The following RIMKLB variants were observed in gnomAD, a reference collection of about 807,000 sequenced individuals.
The protein encoded by RIMKLB is beta-citrylglutamate synthase B.
A neutral mutation model predicts 32.0 loss-of-function variants in RIMKLB; 7 were observed. The ratio of observed to expected loss-of-function variants is 0.22; its 90% CI spans 0.12 to 0.41. The LOEUF (loss-of-function observed/expected upper bound fraction) is 0.41. RIMKLB is among the 10% of genes least tolerant of loss of function. RIMKLB has a pLI of 1.00. For synonymous variants in RIMKLB, 172 were observed against 185.1 expected (o/e 0.93, Z 0.57); for missense variants, 289 against 498.7 (o/e 0.58, Z 4.00).
chr12:8,724,763 C>T (rs1042016011), intron 2 of RIMKLB, among the ~76,000 whole-genome samples: 4 of 152,144 alleles, frequency 2.6e-5, no homozygotes, highest in African/African-American at 9.7e-5. Context: ...GCTGGATCTG[C>T]AGGTCCTGGC....
chr12:8,729,741 C>T lies in RIMKLB; in HGVS notation c.175+15700C>T, dbSNP rs777482208. Among the ~76,000 whole-genome samples, 51 of 152,300 alleles carry T rather than the reference C, an allele frequency of 3.3e-4. No individual in the cohort carries two copies. The East Asian group carries it at 9.5e-3, about 28-fold the overall frequency. On this transcript the variant is annotated intron_variant, in intron 2 of 5. Coordinates refer to ENST00000535829, the MANE Select transcript of RIMKLB (RefSeq NM_001297776.2). ...TCAGCCTCCCAAAGTACTAGAATTA[C>T]AGGCATGAGCCACCATACCTGACCT...
At chr12:8,717,363 T>C (rs921429575) in intron 2 of RIMKLB, among the ~76,000 whole-genome samples, 1 of 152,224 alleles carries the variant, frequency 6.6e-6, no homozygotes, top group Non-Finnish European at 1.5e-5. Flanking sequence ...GTGCAATGTT[T>C]TCACAGTCAG....
intron 2 of RIMKLB, among the ~76,000 whole-genome samples, chr12:8,745,648 C>T (rs956686858): frequency 6.6e-6 from 1 of 151,284 alleles, no homozygotes; most frequent in African/African-American, 2.4e-5. Flanking sequence ...CCCTCCTCAG[C>T]CTCCCAAAGT....
upstream of RIMKLB, chr12:8,697,206 G>C (rs960561633): frequency 6.6e-6 from 1 of 152,150 alleles, no homozygotes; most frequent in African/African-American, 2.4e-5. Flanking sequence ...GGGCAGAGCT[G>C]GCGCTATCCA....
At chr12:8,738,437 C>T (rs1357846091) in intron 2 of RIMKLB, among the ~76,000 whole-genome samples, 3 of 152,138 alleles carry the variant, frequency 2.0e-5, no homozygotes, top group Non-Finnish European at 2.9e-5. Context: ...GTAGTAATAA[C>T]GAGCTGTTTC....
At chr12:8,752,570 A>G (rs574812175) in intron 4 of RIMKLB, among the ~76,000 whole-genome samples, 127 of 152,284 alleles carry the variant, frequency 8.3e-4, no homozygotes, top group South Asian at 3.1e-3. Flanking sequence ...CAAAGAAACA[A>G]TAAGACCTTA....
At chr12:8,686,891 A>G (rs1942593891) in intron 1 of RIMKLB, among the ~76,000 whole-genome samples, 1 of 152,220 alleles carries the variant, frequency 6.6e-6, no homozygotes, top group Non-Finnish European at 1.5e-5. Flanking sequence ...TTATGGAGAA[A>G]TCAGCGATTA....
rs761508647 is a variant in RIMKLB at position 8,684,763 on chromosome 12, C to T, written n.219+2945C>T. Among the ~76,000 whole-genome samples, 309 of 152,190 alleles carry T rather than the reference C, an allele frequency of 2.0e-3. 1 individual carries two copies. Among genetic ancestry groups the T allele is most frequent in the Middle Eastern group, 0.014 (4 of 294 alleles). ...GGTCTCCTAAGTAGCTGGGACTACA[C>T]GTGCATGCCACCACGCCCAGCTAGT... On this transcript the variant is annotated intron_variant and non_coding_transcript_variant, in intron 1 of 1. Transcript: ENST00000538758.
intron 5 of RIMKLB, among the ~76,000 whole-genome samples, chr12:8,762,562 A>C (rs1043075210): frequency 6.6e-6 from 1 of 151,928 alleles, no homozygotes; most frequent in Non-Finnish European, 1.5e-5. Context: ...TAATCTCCTA[A>C]TGGCTTCCTG....
rs373818718 is a variant in RIMKLB at position 8,749,909 on chromosome 12, G to A, written c.223G>A (p.Val75Ile). The A allele has an allele frequency of 4.3e-6, 7 of 1,612,702 alleles. No homozygotes were observed. Among genetic ancestry groups the A allele is most frequent in the Non-Finnish European group, 5.9e-6 (7 of 1,178,894 alleles). The change falls in exon 3 of 6, where the codon GTA (valine) becomes ATA (isoleucine). Residue 75 changes from valine to isoleucine, a missense_variant. By Grantham distance (29) the Val-to-Ile change is conservative. Around this residue, in one of 3 missense-constraint regions of RIMKLB, gnomAD observed 156 missense variants for 329.5 expected, o/e 0.47. Coordinates refer to ENST00000535829, the MANE Select transcript of RIMKLB (RefSeq NM_001297776.2). Reference protein sequence around the residue: ...ELITAYPQVVVVRVPTPWVQS... With the variant: ...ELITAYPQVVIVRVPTPWVQS... ...AATCACTGCCTACCCACAAGTGGTG[G>A]TAGTCAGAGTACCAACCCCTTGGGT...
chr12:8,776,500 G>A lies in RIMKLB; in HGVS notation c.*2716G>A, dbSNP rs1950734934. The A allele has an allele frequency of 2.8e-6, 2 of 718,118 alleles. No individual in the cohort carries two copies. Among genetic ancestry groups the A allele is most frequent in the African/African-American group, 1.9e-5 (1 of 51,942 alleles). 44.5% of individuals were successfully genotyped at this position (718,118 alleles called of 1,614,324 possible). ...GAGAGAATGTATATATCAAATATGT[G>A]TAATGATAAAATCTGAATTGTAAAA... On this transcript the variant is annotated 3_prime_UTR_variant, in exon 6 of 6. Transcript: ENST00000535829.
At chr12:8,735,169 T>A (rs1946880399) in intron 2 of RIMKLB, among the ~76,000 whole-genome samples, 1 of 152,226 alleles carries the variant, frequency 6.6e-6, no homozygotes, top group Non-Finnish European at 1.5e-5. Flanking sequence ...TTGGTAATGA[T>A]GTCAGCTGTG....
chr12:8,746,924 G>T (rs939449011), intron 2 of RIMKLB, among the ~76,000 whole-genome samples: 1 of 151,978 alleles, frequency 6.6e-6, no homozygotes, highest in Non-Finnish European at 1.5e-5. Context: ...AAGTTTTTTT[G>T]TAGAGACGTG....
chr12:8,732,126 G>T (rs116216967), intron 2 of RIMKLB, among the ~76,000 whole-genome samples: 2 of 151,920 alleles, frequency 1.3e-5, no homozygotes, highest in African/African-American at 2.4e-5. Flanking sequence ...ACTGGAGCTT[G>T]AGACCCTGTT....
At chr12:8,679,940 G>C (rs1942373109), upstream of RIMKLB, among the ~76,000 whole-genome samples, 1 of 152,130 alleles carries the variant, frequency 6.6e-6, no homozygotes, top group South Asian at 2.1e-4. Flanking sequence ...GATGAGACAG[G>C]AGGTCAGTAC....
At chr12:8,754,395 G>A (rs1357103165) in intron 5 of RIMKLB, among the ~76,000 whole-genome samples, 1 of 152,114 alleles carries the variant, frequency 6.6e-6, no homozygotes, top group East Asian at 1.9e-4. Context: ...CTTTGGTGAT[G>A]TACTTATTTT....
rs201760501 is a variant in RIMKLB, at chr12:8,717,442, T to TC, written c.175+3404dup. On this transcript the variant is annotated intron_variant, in intron 2 of 5. Coordinates refer to ENST00000535829, the MANE Select transcript of RIMKLB (RefSeq NM_001297776.2). ...GTTCTTTTCCTTTTCCTTTTTTTTT[T>TC]CCCTCATTGCCTCTCCCTTTGTGTC... Among the ~76,000 whole-genome samples, 1,194 of 152,226 alleles carry TC rather than the reference T, an allele frequency of 7.8e-3. 13 individuals are homozygous for TC. The highest frequency in any genetic ancestry group is 0.027 in the African/African-American group (1,108 of 41,528).
chr12:8,737,497 TATAG>T (rs1288529313), intron 2 of RIMKLB, among the ~76,000 whole-genome samples: 2 of 152,328 alleles, frequency 1.3e-5, no homozygotes, highest in African/African-American at 4.8e-5. Context: ...TTCCTTACTA[TATAG>T]ATATAGTGTT....
intron 2 of RIMKLB, among the ~76,000 whole-genome samples, chr12:8,726,400 CTTA>C (rs1946011072): frequency 6.6e-6 from 1 of 152,010 alleles, no homozygotes; most frequent in South Asian, 2.1e-4. Context: ...GGTTTATTTT[CTTA>C]TTGTTGAATT....
Sources: gnomAD v4.1 joint callset for allele counts (sites outside exome capture counted in the v4.1 genomes callset) on GRCh38, gnomAD v4.1.1 for gene constraint, gnomAD v4.1.1 regional missense constraint, MANE v1.5 for transcripts, NCBI Gene and HGNC (gene_info 2026-07-23, HGNC 2026-07-21) for gene names.